C3: variants seen among roughly 807,000 people sequenced by gnomAD.
The protein encoded by C3 is complement C3.
C3 carries 97 observed loss-of-function variants against 207.9 expected under a neutral mutation model. The ratio of observed to expected loss-of-function variants is 0.47; its 90% CI spans 0.40 to 0.55. C3 has a LOEUF of 0.55. Among genes scored for constraint, C3 ranks in the 20% least tolerant of loss-of-function variants. C3 has a pLI of 0.00. For synonymous variants in C3, 848 were observed against 857.6 expected (o/e 0.99, Z 0.20); for missense variants, 1,684 against 2,171.7 (o/e 0.78, Z 4.46).
At chr19:6,682,616 T>C (rs923816393) in intron 33 of C3, 2 of 300,620 alleles carry the variant, frequency 6.7e-6, no homozygotes, top group Non-Finnish European at 1.3e-5. Context: ...CCTTGGTATA[T>C]TGATCACGAG....
Position 6,700,524 on chromosome 19 carries a change from T to A in C3, c.2440+1603A>T, listed in dbSNP as rs1163148681. 1.4e-4 allele frequency among the ~76,000 whole-genome samples: 5 copies of A among 34,536 alleles called. 2 individuals carry two copies. Among genetic ancestry groups the A allele is most frequent in the African/African-American group, 3.8e-4 (2 of 5,200 alleles). 22.7% of individuals were successfully genotyped at this position (34,536 alleles called of 152,430 possible). A position where few individuals can be genotyped will look rare whatever the true frequency, so the allele number is the denominator to read the frequency against. On this transcript the variant is annotated intron_variant, in intron 19 of 40. Transcript: ENST00000245907. ...TTATATATGTAATATATAATATATGTAATATGATATATTATATATGTAATA... is the reference window on the plus strand; with the variant it reads ...TTATATATGTAATATATAATATATGAAATATGATATATTATATATGTAATA...
rs1568217815 is a variant in C3 at position 6,698,010 on chromosome 19, ATTATTATTATTAT to A, written c.2441-229_2441-217del. ...ATTATTTATTATTATTATTATTATTATTATTATTATTATTATTAATTATTTGAGACAGAGCAAG... is the reference window on the plus strand; with the variant it reads ...ATTATTTATTATTATTATTATTATTATATTAATTATTTGAGACAGAGCAAG... On this transcript the variant is annotated intron_variant, in intron 19 of 40. Coordinates refer to ENST00000245907, the MANE Select transcript of C3 (RefSeq NM_000064.4). Among the ~76,000 whole-genome samples the A allele has an allele frequency of 1.8e-4, 16 of 91,266 alleles. No homozygotes were observed. The South Asian group carries it at 3.0e-3, about 17-fold the overall frequency. The allele number at this position is 91,266 out of a possible 152,430, so 59.9% of individuals were successfully genotyped here. A position where few individuals can be genotyped will look rare whatever the true frequency, so the allele number is the denominator to read the frequency against.
At chr19:6,716,475 A>T (rs1968036613) in intron 4 of C3, 1 of 152,166 alleles carries the variant, frequency 6.6e-6, no homozygotes, top group Non-Finnish European at 1.5e-5. Context: ...GGCTCAAGCG[A>T]TCCTCCCGCC....
chr19:6,690,167 A>G (rs1282166685), intron 27 of C3, among the ~76,000 whole-genome samples: 1 of 152,212 alleles, frequency 6.6e-6, no homozygotes, highest in African/African-American at 2.4e-5. Context: ...ATCACCTGAA[A>G]GATCCTCTGG....
intron 13 of C3, among the ~76,000 whole-genome samples, chr19:6,710,043 G>GGGAGAGACAGGGAGAGAGAC (rs1376872938): frequency 6.8e-6 from 1 of 147,840 alleles, no homozygotes; most frequent in African/African-American, 2.5e-5. Context: ...GAGAGAGAAA[G>GGGAGAGACAGGGAGAGAGAC]GGAGAGACAG....
intron 17 of C3, among the ~76,000 whole-genome samples, chr19:6,703,882 A>G (rs1389728374): frequency 6.6e-6 from 1 of 152,146 alleles, no homozygotes; most frequent in Non-Finnish European, 1.5e-5. Flanking sequence ...CAGGAGGCGG[A>G]GGTTACAGTG....
At chr19:6,709,904 G>A in intron 13 of C3, 62 bp from the exon 14 acceptor site, 2 of 1,541,752 alleles carry the variant, frequency 1.3e-6, no homozygotes, top group Non-Finnish European at 1.8e-6. Flanking sequence ...GCCTGGGATG[G>A]AGTGGGTGCT....
At position 6,681,988 on chromosome 19, in the gene C3, C is replaced by T. The variant is rs761423793; in HGVS notation, c.4303G>A (p.Asp1435Asn). 1 of 1,613,990 alleles carries T rather than the reference C, an allele frequency of 6.2e-7. No individual in the cohort carries two copies. Among genetic ancestry groups the T allele is most frequent in the Non-Finnish European group, 8.5e-7 (1 of 1,179,988 alleles). Residue 1435 changes from aspartate (D) to asparagine (N), a missense_variant, in exon 35 of 41, where the codon GAC (aspartate) becomes AAC (asparagine). By Grantham distance (23) the Asp-to-Asn change is conservative (BLOSUM62 1). Transcript: ENST00000245907. The part of the protein sequence containing the change: ...VDRYISKYEL[D>N]KAFSDRNTLI... ...GTGTTCCTATCGGAGAAGGCTTTGT[C>T]CAGCTCATACTTGGAGATGTATCTG...
chr19:6,684,018 G>C (rs1344364349), intron 33 of C3, among the ~76,000 whole-genome samples: 16 of 152,220 alleles, frequency 1.1e-4, no homozygotes, highest in Non-Finnish European at 1.5e-5. Flanking sequence ...AGGATCGCTT[G>C]AGCCAGGGAG....
Position 6,693,376 on chromosome 19 carries a change from G to A in C3, c.3230+36C>T, listed in dbSNP as rs389404. ...GGCCCTGCTGGGGGTTGAGGGTGGG[G>A]AGTATGCATGGCCTGAGCTGGCTGT... On this transcript the variant is annotated intron_variant, in intron 25 of 40. Transcript: ENST00000245907. The A allele has an allele frequency of 0.14, 215,220 of 1,575,840 alleles. 16,277 individuals carry two copies. Among genetic ancestry groups the A allele is most frequent in the African/African-American group, 0.3 (22,256 of 74,380 alleles).
intron 23 of C3, 44 bp downstream of exon 23, chr19:6,696,335 A>C (rs1599508821): frequency 1.4e-6 from 2 of 1,380,036 alleles, no homozygotes; most frequent in African/African-American, 2.8e-5. Context: ...GGCTCCATCC[A>C]TGCCCTCCTG....
chr19:6,704,547 T>C (rs1599516659), intron 17 of C3, among the ~76,000 whole-genome samples: 1 of 151,654 alleles, frequency 6.6e-6, no homozygotes, highest in Non-Finnish European at 1.5e-5. Context: ...TCCCCGAAGG[T>C]TGGGAGTTCG....
At chr19:6,685,318 A>G (rs1391889846) in intron 29 of C3, among the ~76,000 whole-genome samples, 172 bp from the exon 30 acceptor site, 1 of 152,214 alleles carries the variant, frequency 6.6e-6, no homozygotes, top group Admixed American at 6.5e-5. Context: ...GGACATGTTC[A>G]GAACTCTCCG....
At chr19:6,708,033 C>G (rs1487244233) in intron 14 of C3, 104 bp from the exon 15 acceptor site, 2 of 1,354,316 alleles carry the variant, frequency 1.5e-6, no homozygotes, top group Non-Finnish European at 2.1e-6. Flanking sequence ...CCCACCCTGT[C>G]CCACTCTCAT....
intron 27 of C3, among the ~76,000 whole-genome samples, chr19:6,687,469 T>A (rs569062182): frequency 5.3e-5 from 8 of 152,332 alleles, no homozygotes; most frequent in Non-Finnish European, 1.2e-4. Flanking sequence ...TACTGAGCCC[T>A]GAGAGATGCA....
chr19:6,712,436 T>G, intron 10 of C3, 30 bp from the exon 11 acceptor site: 1 of 1,614,132 alleles, frequency 6.2e-7, no homozygotes, highest in Non-Finnish European at 8.5e-7. Flanking sequence ...TGGGGGAAGT[T>G]CAGGCAGGCT....
In C3 at chr19:6,710,695, TCTGG is replaced by T; in HGVS notation, c.1626_1629del (p.Gln543GlyfsTer22). The T allele has an allele frequency of 1.2e-6, 2 of 1,613,568 alleles. No individual in the cohort carries two copies. The highest frequency in any genetic ancestry group is 1.7e-6 in the Non-Finnish European group (2 of 1,179,958). On this transcript the variant is annotated frameshift_variant, in exon 13 of 41. Coordinates refer to ENST00000245907, the MANE Select transcript of C3 (RefSeq NM_000064.4). LOFTEE classifies it high-confidence loss of function. ...CACACGGAGTCGGCCACCACCTCCC[TCTGG>T]CCGCTGGCACCGATCAGCGTGTAGT...
chr19:6,690,257 C>G (rs1918133864), intron 27 of C3, among the ~76,000 whole-genome samples: 1 of 152,182 alleles, frequency 6.6e-6, no homozygotes, highest in Admixed American at 6.5e-5. Context: ...GATCATGTAG[C>G]ACTGATGTAG....
intron 25 of C3, 104 bp from the exon 26 acceptor site, chr19:6,693,187 G>T (rs1599506227): frequency 1.4e-6 from 2 of 1,384,546 alleles, no homozygotes; most frequent in Non-Finnish European, 2.0e-6. Context: ...GGCCCAGTTT[G>T]CCTGGTTTGC....
Sources: gnomAD v4.1 joint callset for allele counts (sites outside exome capture counted in the v4.1 genomes callset) on GRCh38, gnomAD v4.1.1 for gene constraint, MANE v1.5 for transcripts, NCBI Gene and HGNC (gene_info 2026-07-23, HGNC 2026-07-21) for gene names.